The following MED12L variants were observed in gnomAD, a reference collection of about 807,000 sequenced individuals.
MED12L encodes mediator of RNA polymerase II transcription subunit 12-like protein.
A neutral mutation model predicts 281.3 loss-of-function variants in MED12L; 60 were observed. The ratio of observed to expected loss-of-function variants is 0.21; its 90% CI spans 0.17 to 0.26. The LOEUF is 0.26. MED12L is among the 10% of genes least tolerant of loss of function. The pLI, the probability that MED12L is intolerant of heterozygous loss-of-function variation, is 1.00. For missense variants in MED12L, 2,146 were observed against 2,680.9 expected, an observed-to-expected ratio of 0.80 and a Z score of 4.41; for synonymous variants, 974 against 987.2, an observed-to-expected ratio of 0.99 and a Z score of 0.25.
intron 16 of MED12L, chr3:151,329,332 A>C (rs1169551371): frequency 1.7e-6 from 1 of 595,612 alleles, no homozygotes; most frequent in Non-Finnish European, 3.0e-6. Context: ...CATTATTATT[A>C]CTAATACATC....
chr3:151,214,507 C>T (rs1370790674), intron 16 of MED12L, among the ~76,000 whole-genome samples: 1 of 152,086 alleles, frequency 6.6e-6, no homozygotes, highest in East Asian at 1.9e-4. Flanking sequence ...CTCTGTTCTT[C>T]CTTTTCTTTC....
rs369151463 is a variant in MED12L, at chr3:151,282,193, A to G, written c.2251-67866A>G. Reference sequence around the variant, plus strand: ...CACTTGCTCTCTTGGAGACTTGTTCATGTGAGCCCTGTATAGACCTTATTC... The same window carrying G: ...CACTTGCTCTCTTGGAGACTTGTTCGTGTGAGCCCTGTATAGACCTTATTC... On this transcript the variant is annotated intron_variant, in intron 16 of 44. Coordinates refer to ENST00000687756, the MANE Select transcript of MED12L (RefSeq NM_001393769.1). Among the ~76,000 whole-genome samples, 11 of 152,276 alleles carry G rather than the reference A, an allele frequency of 7.2e-5. No individual in the cohort carries two copies. In the East Asian group the frequency reaches 1.4e-3, roughly 19 times the overall value.
chr3:151,337,618 G>A, intron 16 of MED12L: 1 of 592,530 alleles, frequency 1.7e-6, no homozygotes, highest in African/African-American at 1.9e-5. Flanking sequence ...TACAGCTACA[G>A]TTTAGATTAG....
At chr3:151,158,821 G>C (rs1719622272) in intron 7 of MED12L, 22 bp downstream of exon 7, 1 of 1,531,890 alleles carries the variant, frequency 6.5e-7, no homozygotes, top group Non-Finnish European at 9.0e-7. Context: ...GTCCCCTTGA[G>C]GCAGTTGGTT....
intron 16 of MED12L, among the ~76,000 whole-genome samples, chr3:151,258,704 T>G (rs1475909678): frequency 6.6e-6 from 1 of 151,946 alleles, no homozygotes; most frequent in Non-Finnish European, 1.5e-5. Flanking sequence ...ACAAAAAAAT[T>G]AGCCAGGTGT....
chr3:151,397,632 G>A (rs894035317), intron 39 of MED12L, among the ~76,000 whole-genome samples: 3 of 152,148 alleles, frequency 2.0e-5, no homozygotes, highest in Non-Finnish European at 4.4e-5. Flanking sequence ...TTGATCAATT[G>A]TTTTAATATC....
intron 16 of MED12L, chr3:151,295,113 A>G: frequency 6.2e-7 from 1 of 1,613,756 alleles, no homozygotes; most frequent in South Asian, 1.1e-5. Context: ...AGCACCGGCA[A>G]GACAATTGTG....
chr3:151,373,809 C>T (rs565910317), intron 27 of MED12L, among the ~76,000 whole-genome samples: 2 of 152,222 alleles, frequency 1.3e-5, no homozygotes, highest in African/African-American at 2.4e-5. Flanking sequence ...TGTACTTTCT[C>T]TGCCCCGGGC....
At chr3:151,143,405 A>C (rs1000210608) in intron 5 of MED12L, among the ~76,000 whole-genome samples, 4 of 152,258 alleles carry the variant, frequency 2.6e-5, no homozygotes, top group Non-Finnish European at 5.9e-5. Flanking sequence ...ATTCCAATGC[A>C]AAGTGAAAAA....
At chr3:151,203,465 G>C (rs911754105) in intron 16 of MED12L, among the ~76,000 whole-genome samples, 19 of 149,414 alleles carry the variant, frequency 1.3e-4, no homozygotes, top group Non-Finnish European at 2.5e-4. Context: ...TGATTTCAAA[G>C]AATATCACTC....
At chr3:151,246,395 A>G (rs1175924832) in intron 16 of MED12L, among the ~76,000 whole-genome samples, 3 of 151,976 alleles carry the variant, frequency 2.0e-5, no homozygotes, top group Non-Finnish European at 4.4e-5. Context: ...AGTAACCAAA[A>G]CAGCATGGTA....
At chr3:151,387,205 T>G (rs1159478687) in intron 36 of MED12L, among the ~76,000 whole-genome samples, 1 of 151,974 alleles carries the variant, frequency 6.6e-6, no homozygotes, top group East Asian at 1.9e-4. Flanking sequence ...TAACCGTTTT[T>G]TTTTTTCTAG....
At chr3:151,430,881 A>T (rs1395007508) in intron 44 of MED12L, among the ~76,000 whole-genome samples, 1 of 150,770 alleles carries the variant, frequency 6.6e-6, no homozygotes, top group Non-Finnish European at 1.5e-5. Context: ...CATACACAGC[A>T]TGATCGAGAC....
At chr3:151,319,782 A>T (rs1286227749) in intron 16 of MED12L, among the ~76,000 whole-genome samples, 10 of 152,088 alleles carry the variant, frequency 6.6e-5, no homozygotes, top group Non-Finnish European at 2.9e-5. Context: ...GCATAGCATA[A>T]CTCTTTACTC....
chr3:151,153,703 G>A (rs1268565399), intron 5 of MED12L, among the ~76,000 whole-genome samples: 1 of 151,160 alleles, frequency 6.6e-6, no homozygotes, highest in Non-Finnish European at 1.5e-5. Flanking sequence ...TGAGTAGCTG[G>A]GATTAAAGGC....
At chr3:151,371,896 T>G (rs1344120014) in intron 26 of MED12L, among the ~76,000 whole-genome samples, 1 of 152,234 alleles carries the variant, frequency 6.6e-6, no homozygotes, top group Non-Finnish European at 1.5e-5. Flanking sequence ...AACTTTGTTA[T>G]GAAGAAAACA....
Position 151,120,693 on chromosome 3 carries a change from A to G in MED12L, c.205-2090A>G, listed in dbSNP as rs575403796. 1.6e-4 allele frequency among the ~76,000 whole-genome samples: 24 copies of G among 152,352 alleles called. No individual in the cohort carries two copies. The South Asian group carries it at 5.0e-3, about 32-fold the overall frequency. On this transcript the variant is annotated intron_variant, in intron 3 of 44. Coordinates refer to ENST00000687756, the MANE Select transcript of MED12L (RefSeq NM_001393769.1). ...GAAACAATGGAAGGACACATAAGAA[A>G]TGAATCAAATTGTTTACTTGGAGGT...
intron 16 of MED12L, among the ~76,000 whole-genome samples, chr3:151,248,219 A>G (rs1736125564): frequency 6.6e-6 from 1 of 152,006 alleles, no homozygotes; most frequent in Non-Finnish European, 1.5e-5. Context: ...TTAAAACCTA[A>G]GACACTAATA....
intron 16 of MED12L, chr3:151,213,728 T>G: frequency 6.2e-7 from 1 of 1,614,164 alleles, no homozygotes; most frequent in Non-Finnish European, 8.5e-7. Context: ...AGAAACACAA[T>G]CCAGAAGATG....
Sources: gnomAD v4.1 joint callset for allele counts (sites outside exome capture counted in the v4.1 genomes callset) on GRCh38, gnomAD v4.1.1 for gene constraint, MANE v1.5 for transcripts, NCBI Gene and HGNC (gene_info 2026-07-23, HGNC 2026-07-21) for gene names.